The following CFAP206 variants were observed in gnomAD, a reference collection of about 807,000 sequenced individuals.
The protein encoded by CFAP206 is cilia and flagella associated protein 206, also known as cilia- and flagella-associated protein 206.
Under a neutral mutation model 65.4 loss-of-function variants are expected in CFAP206, and 53 were observed. The observed-to-expected ratio is 0.81, with a 90% confidence interval of 0.65 to 1.02. CFAP206 has a LOEUF of 1.02. Ranked by LOEUF, CFAP206 falls within the 50% of genes least tolerant of loss-of-function variation. The pLI, the probability that CFAP206 is intolerant of heterozygous loss-of-function variation, is 0.00. For missense variants in CFAP206, 663 were observed against 753.2 expected, an observed-to-expected ratio of 0.88 and a Z score of 1.40; for synonymous variants, 250 against 254.4, an observed-to-expected ratio of 0.98 and a Z score of 0.17.
Position 87,408,661 on chromosome 6 carries a change from G to T in CFAP206, c.-6+572G>T, listed in dbSNP as rs186084509. On this transcript the variant is annotated intron_variant, in intron 1 of 12. Transcript: ENST00000369562. ...TGCGCATGCGCTGCCTGTGATCTTGGAGTACTGATTATAAGCTGTTTTAAG... is the reference window on the plus strand; with the variant it reads ...TGCGCATGCGCTGCCTGTGATCTTGTAGTACTGATTATAAGCTGTTTTAAG... The T allele has an allele frequency of 9.2e-5, 14 of 152,366 alleles. 2 individuals are homozygous for T. The East Asian group carries it at 2.5e-3, about 27-fold the overall frequency. 9.4% of individuals were successfully genotyped at this position (152,366 alleles called of 1,614,324 possible). A position where few individuals can be genotyped will look rare whatever the true frequency, so the allele number is the denominator to read the frequency against.
chr6:87,411,805 C>T (rs1262230621), intron 3 of CFAP206, among the ~76,000 whole-genome samples: 1 of 152,126 alleles, frequency 6.6e-6, no homozygotes, highest in Non-Finnish European at 1.5e-5. Flanking sequence ...TTGACTTTGT[C>T]AAAGATCACC....
rs565789757 is a variant in CFAP206 at position 87,449,014 on chromosome 6, T to C, written c.1495-12008T>C. 2.0e-5 allele frequency among the ~76,000 whole-genome samples: 3 copies of C among 152,320 alleles called. No homozygotes were observed. The South Asian group carries it at 6.2e-4, about 32-fold the overall frequency. On this transcript the variant is annotated intron_variant, in intron 11 of 12. Transcript: ENST00000369562. The stretch of plus-strand genomic sequence containing the variant: ...ATACTAATTTCCTTTCCTTTGGATA[T>C]ATGCCCAGCAGTGGGATTACTGGAT...
At chr6:87,420,752 A>G (rs1231499549) in intron 7 of CFAP206, among the ~76,000 whole-genome samples, 3 of 152,074 alleles carry the variant, frequency 2.0e-5, no homozygotes, top group African/African-American at 7.2e-5. Context: ...AAGAGCTTTT[A>G]TTTTTCCATA....
intron 11 of CFAP206, among the ~76,000 whole-genome samples, chr6:87,448,651 A>G (rs1768488129): frequency 2.0e-5 from 3 of 151,918 alleles, no homozygotes; most frequent in Non-Finnish European, 4.4e-5. Flanking sequence ...ACCTCTCCCC[A>G]TCCACTTCCC....
chr6:87,418,255 G>T lies in CFAP206; in HGVS notation c.679G>T (p.Asp227Tyr). The part of the protein sequence containing the change: ...VAIPATMQHI[D>Y]YQLETARSQV... ...AATCCCAGCCACCATGCAGCATATT[G>T]ATTACCAGCTTGAGACTGCCCGGAG... The change falls in exon 7 of 13, where the codon GAT (aspartate) becomes TAT (tyrosine). Residue 227 changes from aspartate (D) to tyrosine (Y), a missense_variant. Coordinates refer to ENST00000369562, the MANE Select transcript of CFAP206 (RefSeq NM_001031743.3). The T allele has an allele frequency of 6.2e-7, 1 of 1,614,046 alleles. No individual in the cohort carries two copies. The highest frequency in any genetic ancestry group is 1.1e-5 in the South Asian group (1 of 91,060).
chr6:87,426,658 C>A lies in CFAP206; in HGVS notation c.960+13C>A. On this transcript the variant is annotated intron_variant, in intron 8 of 12. Coordinates refer to ENST00000369562, the MANE Select transcript of CFAP206 (RefSeq NM_001031743.3). Reference sequence around the variant, plus strand: ...ATCACAAGTCTTTGTAAGTATTTGTCATAAACTTTGACCTTAAGGTGAATT... The same window carrying A: ...ATCACAAGTCTTTGTAAGTATTTGTAATAAACTTTGACCTTAAGGTGAATT... The A allele has an allele frequency of 6.4e-7, 1 of 1,555,512 alleles. No homozygotes were observed. Among genetic ancestry groups the A allele is most frequent in the South Asian group, 1.3e-5 (1 of 78,154 alleles).
intron 11 of CFAP206, among the ~76,000 whole-genome samples, 161 bp from the exon 12 acceptor site, chr6:87,460,857 CTCAT>C (rs1768733148): frequency 6.6e-6 from 1 of 152,014 alleles, no homozygotes; most frequent in South Asian, 2.1e-4. Flanking sequence ...TTATATTCAG[CTCAT>C]TAATTATGTG....
At chr6:87,422,469 A>C (rs1767957375) in intron 7 of CFAP206, among the ~76,000 whole-genome samples, 1 of 115,978 alleles carries the variant, frequency 8.6e-6, no homozygotes, top group Non-Finnish European at 1.8e-5. Flanking sequence ...AAAAAAAAAA[A>C]GGCCGGGTGC....
At chr6:87,411,489 A>C (rs1178267741) in intron 3 of CFAP206, among the ~76,000 whole-genome samples, 1 of 145,238 alleles carries the variant, frequency 6.9e-6, no homozygotes, top group African/African-American at 2.6e-5. Flanking sequence ...CTGTCTTTTC[A>C]CTCTGTTGAT....
intron 11 of CFAP206, among the ~76,000 whole-genome samples, chr6:87,446,024 C>T (rs1768436013): frequency 6.6e-6 from 1 of 152,000 alleles, no homozygotes; most frequent in African/African-American, 2.4e-5. Flanking sequence ...CTGTTCATGT[C>T]CTTTGCCCAC....
Position 87,434,960 on chromosome 6 carries a change from T to G in CFAP206, c.1401T>G (p.Ile467Met). The change falls in exon 11 of 13, where the codon ATT (isoleucine) becomes ATG (methionine). Residue 467 changes from isoleucine (I) to methionine (M), a missense_variant. Transcript: ENST00000369562. ...YSFAENPEHY[I>M]DIVREKAKKN... The stretch of plus-strand genomic sequence containing the variant: ...TTGCAGAAAATCCTGAACATTATAT[T>G]GACATAGTTAGAGAAAAGGCCAAAA... The G allele has an allele frequency of 6.3e-7, 1 of 1,592,306 alleles. No individual in the cohort carries two copies. Among genetic ancestry groups the G allele is most frequent in the Non-Finnish European group, 8.6e-7 (1 of 1,162,580 alleles).
At chr6:87,441,439 G>A (rs995908931) in intron 11 of CFAP206, 1 of 158,212 alleles carries the variant, frequency 6.3e-6, no homozygotes, top group African/African-American at 2.4e-5. Flanking sequence ...CTGGAGTGAT[G>A]TGAATAGTCT....
At chr6:87,455,499 G>T (rs1195277952) in intron 11 of CFAP206, among the ~76,000 whole-genome samples, 1 of 151,552 alleles carries the variant, frequency 6.6e-6, no homozygotes, top group Non-Finnish European at 1.5e-5. Context: ...AAATAATAAA[G>T]ATCAGAGCAG....
chr6:87,447,404 G>A (rs578070799), intron 11 of CFAP206, among the ~76,000 whole-genome samples: 56 of 152,046 alleles, frequency 3.7e-4, no homozygotes, highest in Non-Finnish European at 6.3e-4. Context: ...AAGAGATGTT[G>A]AATTCTACGG....
At chr6:87,410,318 T>C (rs1006835332) in intron 2 of CFAP206, among the ~76,000 whole-genome samples, 5 of 152,236 alleles carry the variant, frequency 3.3e-5, no homozygotes, top group Middle Eastern at 3.2e-3. Flanking sequence ...AGTTTCCCAA[T>C]TGAAAACCTA....
intron 7 of CFAP206, 119 bp from the exon 8 acceptor site, chr6:87,426,407 C>A: frequency 1.5e-6 from 1 of 656,854 alleles, no homozygotes; most frequent in Non-Finnish European, 2.4e-6. Context: ...GGAGAACAGA[C>A]TTCCTGCTGT....
Position 87,464,027 on chromosome 6 carries a change from T to C in CFAP206, c.1646T>C (p.Leu549Ser). ...TATTCTCTTTCTCTTTAGGCTAATT[T>C]GCGCCAGAAAGTTACTCACTCAGTA... is the stretch of plus-strand genomic sequence containing the variant. Reference protein sequence around the residue: ...LRRKAIKLANLRQKVTHSVQT... With the variant: ...LRRKAIKLANSRQKVTHSVQT... The change falls in exon 13 of 13, where the codon TTG (leucine) becomes TCG (serine). Residue 549 changes from leucine (L) to serine (S), a missense_variant. Leu to Ser is a moderately radical substitution (Grantham distance 145). Transcript: ENST00000369562. 6.2e-7 allele frequency: 1 copy of C among 1,609,422 alleles called. No individual in the cohort carries two copies. The highest frequency in any genetic ancestry group is 8.5e-7 in the Non-Finnish European group (1 of 1,176,626).
At chr6:87,410,734 T>TTAC in intron 3 of CFAP206, 66 bp downstream of exon 3, 4 of 1,223,188 alleles carry the variant, frequency 3.3e-6, no homozygotes, top group African/African-American at 1.5e-5. Context: ...ATATTTGTAT[T>TTAC]AGTCATTATT....
intron 1 of CFAP206, 150 bp downstream of exon 1, chr6:87,408,239 C>G (rs542183132): frequency 4.5e-5 from 10 of 220,746 alleles, no homozygotes; most frequent in African/African-American, 2.1e-4. Flanking sequence ...TAGGCTGCGC[C>G]GCCGCAGAGC....
Sources: allele counts gnomAD v4.1 joint callset (sites outside exome capture counted in the v4.1 genomes callset), GRCh38; gene constraint gnomAD v4.1.1; transcripts MANE v1.5; gene names NCBI Gene and HGNC (gene_info 2026-07-23, HGNC 2026-07-21).